Variants in BMPER observed in about 807,000 individuals in gnomAD.
BMPER encodes the protein BMP-binding endothelial regulator protein.
A neutral mutation model predicts 87.3 loss-of-function variants in BMPER; 45 were observed. The observed-to-expected ratio is 0.52, with a 90% CI of 0.41 to 0.66. The LOEUF (loss-of-function observed/expected upper bound fraction) is 0.66, where lower values mean the gene tolerates loss of function less well. Among genes scored for constraint, BMPER ranks in the 30% least tolerant of loss-of-function variants. The pLI, the probability that BMPER is intolerant of heterozygous loss-of-function variation, is 0.00. For synonymous variants in BMPER, 326 were observed against 316.2 expected (o/e 1.03, Z -0.33); for missense variants, 784 against 867.5 (o/e 0.90, Z 1.21).
intron 6 of BMPER, among the ~76,000 whole-genome samples, chr7:34,043,523 C>G (rs759121514): frequency 2.6e-5 from 4 of 152,080 alleles, no homozygotes; most frequent in Non-Finnish European, 2.9e-5. Flanking sequence ...AAAAGGCAAC[C>G]GATTTTGGTG....
At chr7:33,987,424 A>G (rs1011770691) in intron 6 of BMPER, among the ~76,000 whole-genome samples, 2 of 152,092 alleles carry the variant, frequency 1.3e-5, no homozygotes, top group African/African-American at 2.4e-5. Context: ...GCACCATCCA[A>G]CATTCCCTTC....
chr7:33,995,505 A>G (rs1394088794), intron 6 of BMPER, among the ~76,000 whole-genome samples: 2 of 152,150 alleles, frequency 1.3e-5, no homozygotes, highest in Non-Finnish European at 2.9e-5. Context: ...TTATATTTCT[A>G]TGCTTGTTGT....
In BMPER at chr7:34,133,379, GGGGTTCTGGAAGGTGGTGTGCCT is replaced by G. The variant is rs370936020; in HGVS notation, c.1746-9825_1746-9803del. On this transcript the variant is annotated intron_variant, in intron 13 of 14. Transcript: ENST00000649409. Reference sequence around the variant, plus strand: ...GAGCTTCTGGATAGCTAAACACACAGGGGTTCTGGAAGGTGGTGTGCCTGGGTTCTGGAAGGTGGTGTGCCTGG... The same window carrying G: ...GAGCTTCTGGATAGCTAAACACACAGGGGTTCTGGAAGGTGGTGTGCCTGG... Among the ~76,000 whole-genome samples the G allele has an allele frequency of 4.8e-3, 735 of 152,224 alleles. 3 individuals carry two copies. Among genetic ancestry groups the G allele is most frequent in the African/African-American group, 0.016 (656 of 41,508 alleles).
chr7:34,129,606 G>GAGAAAGAAAGAA (rs1309723058), intron 13 of BMPER, among the ~76,000 whole-genome samples: 4 of 86,280 alleles, frequency 4.6e-5, no homozygotes, highest in African/African-American at 1.3e-4. Flanking sequence ...GAGAGAGAGA[G>GAGAAAGAAAGAA]AGAAAGAGAG....
intron 14 of BMPER, among the ~76,000 whole-genome samples, chr7:34,144,858 G>A (rs753402254): frequency 3.3e-5 from 5 of 152,194 alleles, no homozygotes; most frequent in Non-Finnish European, 5.9e-5. Flanking sequence ...AATAGCCTTA[G>A]CTCACATCTC....
intron 6 of BMPER, among the ~76,000 whole-genome samples, chr7:33,998,076 G>T (rs1480551052): frequency 6.6e-6 from 1 of 152,102 alleles, no homozygotes; most frequent in East Asian, 1.9e-4. Context: ...GTTCATTGCT[G>T]TATCTCCACG....
At chr7:34,122,741 T>C (rs1314140613) in intron 13 of BMPER, among the ~76,000 whole-genome samples, 1 of 152,244 alleles carries the variant, frequency 6.6e-6, no homozygotes, top group Non-Finnish European at 1.5e-5. Context: ...ATTACAGTTC[T>C]TTTTTCCACA....
rs553192626 is a variant in BMPER, at chr7:34,036,819, G to A, written c.577-9487G>A. Among the ~76,000 whole-genome samples, 5 of 152,236 alleles carry A rather than the reference G, an allele frequency of 3.3e-5. No homozygotes were observed. In the East Asian group the frequency reaches 7.7e-4, roughly 24 times the overall value. On this transcript the variant is annotated intron_variant, in intron 6 of 14. Coordinates refer to ENST00000649409, the MANE Select transcript of BMPER (RefSeq NM_001365308.1). ...GCAGTCTTTCATCAGTGATTTGTGT[G>A]TCTGCCTGAGTGGAAAGCCTGAGTT...
chr7:34,010,089 C>T (rs1003539289), intron 6 of BMPER, among the ~76,000 whole-genome samples: 6 of 151,924 alleles, frequency 3.9e-5, no homozygotes, highest in African/African-American at 1.2e-4. Context: ...TTATAAACCA[C>T]ACTCTCCTTC....
At chr7:34,047,246 A>G (rs540664726) in intron 7 of BMPER, among the ~76,000 whole-genome samples, 2 of 151,960 alleles carry the variant, frequency 1.3e-5, no homozygotes, top group South Asian at 4.2e-4. Flanking sequence ...TTTTGCTTAT[A>G]TGCTACCTTC....
chr7:33,933,614 T>C (rs899414722), intron 2 of BMPER, among the ~76,000 whole-genome samples: 3 of 152,150 alleles, frequency 2.0e-5, no homozygotes, highest in Non-Finnish European at 4.4e-5. Flanking sequence ...TCTGTTGATA[T>C]CCAAATTGGA....
chr7:33,912,653 C>T (rs1783992479), intron 2 of BMPER, among the ~76,000 whole-genome samples: 2 of 152,220 alleles, frequency 1.3e-5, no homozygotes, highest in Non-Finnish European at 2.9e-5. Context: ...TTTTTCACAC[C>T]CTCTTCTATG....
chr7:33,943,323 C>T (rs998639896), intron 3 of BMPER, among the ~76,000 whole-genome samples: 2 of 152,128 alleles, frequency 1.3e-5, no homozygotes, highest in East Asian at 1.9e-4. Context: ...TGCCCCCGCA[C>T]CCCACAACAT....
chr7:33,971,802 A>G (rs1785554392), intron 5 of BMPER, among the ~76,000 whole-genome samples: 1 of 152,250 alleles, frequency 6.6e-6, no homozygotes, highest in Non-Finnish European at 1.5e-5. Context: ...CAACCCTGAC[A>G]TTGATAACAG....
rs1789193163 is a variant in BMPER at position 34,086,001 on chromosome 7, G to A, written c.1654G>A (p.Val552Ile). 1.2e-6 allele frequency: 2 copies of A among 1,614,116 alleles called. No individual in the cohort carries two copies. Among genetic ancestry groups the A allele is most frequent in the Non-Finnish European group, 1.7e-6 (2 of 1,180,020 alleles). ...VPELCQGTVK[V>I]KLRAHRECQK... ...TGAACTGTGTCAAGGGACAGTCAAG[G>A]TAAAGCTCCGGGCCCATCGAGAATG... Residue 552 changes from valine (V) to isoleucine (I), a missense_variant, in exon 13 of 15, where the codon GTA (valine) becomes ATA (isoleucine). Coordinates refer to ENST00000649409, the MANE Select transcript of BMPER (RefSeq NM_001365308.1).
At position 34,055,444 on chromosome 7, in the gene BMPER, G is replaced by A. The variant is rs777057849; in HGVS notation, c.927+141G>A. On this transcript the variant is annotated intron_variant, in intron 9 of 14. Coordinates refer to ENST00000649409, the MANE Select transcript of BMPER (RefSeq NM_001365308.1). ...ATATGTGTGCATATATTAATAGAAT[G>A]TATTTATATTACAGTATTATATATA... is the stretch of plus-strand genomic sequence containing the variant. 562 of 1,045,560 alleles carry A rather than the reference G, an allele frequency of 5.4e-4. 1 individual carries two copies. The highest frequency in any genetic ancestry group is 7.3e-4 in the Non-Finnish European group (510 of 701,826). The allele number at this position is 1,045,560 out of a possible 1,614,324, so 64.8% of individuals were successfully genotyped here. A position where few individuals can be genotyped will look rare whatever the true frequency, so the allele number is the denominator to read the frequency against.
intron 7 of BMPER, among the ~76,000 whole-genome samples, chr7:34,051,239 T>C (rs1330648322): frequency 2.0e-5 from 3 of 152,162 alleles, no homozygotes; most frequent in Admixed American, 6.5e-5. Flanking sequence ...TACCATTACA[T>C]TGGTGATTAG....
At chr7:33,951,927 C>T (rs1029778164) in intron 3 of BMPER, among the ~76,000 whole-genome samples, 12 of 152,256 alleles carry the variant, frequency 7.9e-5, no homozygotes, top group Middle Eastern at 3.4e-3. Context: ...TGTCTACCAA[C>T]GAGTTCTAGG....
intron 7 of BMPER, among the ~76,000 whole-genome samples, chr7:34,048,034 G>A (rs1336649283): frequency 1.3e-5 from 2 of 151,758 alleles, no homozygotes; most frequent in Admixed American, 6.6e-5. Context: ...TTGCCTTTGT[G>A]AGAATTTTAC....
Sources: gnomAD v4.1 joint callset for allele counts (sites outside exome capture counted in the v4.1 genomes callset) on GRCh38, gnomAD v4.1.1 for gene constraint, MANE v1.5 for transcripts, NCBI Gene and HGNC (gene_info 2026-07-23, HGNC 2026-07-21) for gene names.